KIF15: variants seen among roughly 807,000 people sequenced by gnomAD.
KIF15 encodes kinesin-like protein KIF15.
In KIF15, 140 loss-of-function variants were observed where a neutral mutation model predicts 190.6. The ratio of observed to expected loss-of-function variants is 0.73; its 90% CI spans 0.64 to 0.84. KIF15 has a LOEUF of 0.84. Ranked by LOEUF, KIF15 falls within the 40% of genes least tolerant of loss-of-function variation. The probability of loss-of-function intolerance (pLI) is 0.00; values close to 1 mark genes in which losing one functional copy is unlikely to be tolerated. For missense variants in KIF15, 1,372 were observed against 1,584.4 expected (o/e 0.87, Z 2.28); for synonymous variants, 528 against 551.3 (o/e 0.96, Z 0.59).
chr3:44,832,526 T>C (rs1369982128), intron 26 of KIF15, among the ~76,000 whole-genome samples: 2 of 152,146 alleles, frequency 1.3e-5, no homozygotes, highest in Non-Finnish European at 2.9e-5. Context: ...CCTGGAGGAC[T>C]GAATGGTTCT....
intron 6 of KIF15, chr3:44,863,300 A>ACCGC (rs1699280451): frequency 2.9e-5 from 1 of 35,060 alleles, no homozygotes; most frequent in East Asian, 2.9e-3. Flanking sequence ...TAGATTCCGC[A>ACCGC]CCCCCCCCCC....
chr3:44,778,159 C>G lies in KIF15; in HGVS notation c.291C>G (p.Cys97Trp). ...TGGCTAAAAGCATTGTGGAGTCTTG[C>G]ATGAGCGGTTATAATGGTACCATCT... ...ATVAKSIVES[C>W]MSGYNGTIFA... Residue 97 changes from cysteine (C) to tryptophan (W), a missense_variant, in exon 4 of 35, where the codon TGC becomes TGG. Physicochemically the swap from Cys to Trp is radical, Grantham distance 215. Coordinates refer to ENST00000326047, the MANE Select transcript of KIF15 (RefSeq NM_020242.3). 6.2e-7 allele frequency: 1 copy of G among 1,613,886 alleles called. No individual in the cohort carries two copies. The highest frequency in any genetic ancestry group is 8.5e-7 in the Non-Finnish European group (1 of 1,179,752).
At chr3:44,858,474 G>A (rs369430640) in intron 6 of KIF15, among the ~76,000 whole-genome samples, 8 of 152,100 alleles carry the variant, frequency 5.3e-5, no homozygotes, top group African/African-American at 9.7e-5. Flanking sequence ...AGTAATGCGC[G>A]TGTGATGGGT....
At position 44,802,978 on chromosome 3, in the gene KIF15, G is replaced by A; in HGVS notation, c.1674G>A (p.Glu558=). 6.3e-7 allele frequency: 1 copy of A among 1,593,898 alleles called. No homozygotes were observed. The highest frequency in any genetic ancestry group is 8.5e-7 in the Non-Finnish European group (1 of 1,174,692). Reference sequence around the variant, plus strand: ...CTTTCTCTGAAATAAGTGGCATGGAGAAAAGTGACAAAAGTAAGAAATGAT... The same window carrying A: ...CTTTCTCTGAAATAAGTGGCATGGAAAAAAGTGACAAAAGTAAGAAATGAT... ...EKAFSEISGM[E]KSDKNQQGFS... The change falls in exon 14 of 35, where the codon GAG becomes GAA. Residue 558 remains glutamate (E), a synonymous_variant. Coordinates refer to ENST00000326047, the MANE Select transcript of KIF15 (RefSeq NM_020242.3).
chr3:44,763,059 C>T (rs1705218886), intron 1 of KIF15, among the ~76,000 whole-genome samples: 1 of 152,128 alleles, frequency 6.6e-6, no homozygotes, highest in Non-Finnish European at 1.5e-5. Context: ...GTCTGAAAAC[C>T]AAATTTGAGA....
intron 30 of KIF15, among the ~76,000 whole-genome samples, chr3:44,843,805 C>T (rs1360261289): frequency 6.6e-6 from 1 of 152,152 alleles, no homozygotes; most frequent in African/African-American, 2.4e-5. Context: ...AAAAGTCATA[C>T]GATTTTCAAC....
Position 44,805,083 on chromosome 3 carries a change from G to T in KIF15, c.1744G>T (p.Glu582Ter). The T allele has an allele frequency of 6.2e-7, 1 of 1,613,814 alleles. No homozygotes were observed. Among genetic ancestry groups the T allele is most frequent in the South Asian group, 1.1e-5 (1 of 91,052 alleles). Residue 582 changes from glutamate (E) to a stop codon, truncating the protein, a stop_gained, in exon 15 of 35, where the codon GAG becomes TAG. Coordinates refer to ENST00000326047, the MANE Select transcript of KIF15 (RefSeq NM_020242.3). LOFTEE classifies it high-confidence loss of function. ...AGAGCCATGTTTGTTTGCAAACACT[G>T]AGAAGTTAAAAGCACAACTCCTGCA... Reference protein sequence around the residue: ...QKEPCLFANTEKLKAQLLQIQ... With the variant: ...QKEPCLFANT
chr3:44,852,878 C>G lies in KIF15; in HGVS notation c.*143C>G, dbSNP rs1699112204. 1 of 586,466 alleles carries G rather than the reference C, an allele frequency of 1.7e-6. No individual in the cohort carries two copies. Among genetic ancestry groups the G allele is most frequent in the Non-Finnish European group, 2.9e-6 (1 of 349,838 alleles). The allele number at this position is 586,466 out of a possible 1,614,324, so 36.3% of individuals were successfully genotyped here. On this transcript the variant is annotated 3_prime_UTR_variant, in exon 35 of 35. Transcript: ENST00000326047. ...GTTTATAAGGTGGTGGTAACCACCT[C>G]AAGTTTCTGATGAACATTCTGCATC...
intron 2 of KIF15, among the ~76,000 whole-genome samples, chr3:44,774,934 T>C (rs1349586885): frequency 6.6e-6 from 1 of 152,116 alleles, no homozygotes; most frequent in African/African-American, 2.4e-5. Context: ...ACCCTGTCTC[T>C]ACTAAAAGTA....
chr3:44,820,939 G>C (rs1177133598), intron 20 of KIF15, among the ~76,000 whole-genome samples: 4 of 151,138 alleles, frequency 2.6e-5, no homozygotes, highest in Non-Finnish European at 4.4e-5. Flanking sequence ...GGGCAGAGGC[G>C]CCCCTCACCT....
At chr3:44,845,449 C>T (rs1193060414) in intron 30 of KIF15, among the ~76,000 whole-genome samples, 3 of 151,910 alleles carry the variant, frequency 2.0e-5, no homozygotes, top group Non-Finnish European at 4.4e-5. Context: ...GTAATTACAA[C>T]AACCAATCTT....
intron 15 of KIF15, 91 bp from the exon 16 acceptor site, chr3:44,805,754 A>G: frequency 4.3e-6 from 5 of 1,161,378 alleles, no homozygotes. Context: ...AGATAACTAT[A>G]AAGTTATGTG....
At chr3:44,800,619 C>T (rs1020012200) in intron 11 of KIF15, among the ~76,000 whole-genome samples, 182 bp downstream of exon 11, 1 of 152,150 alleles carries the variant, frequency 6.6e-6, no homozygotes, top group Non-Finnish European at 1.5e-5. Context: ...ATACCATAGG[C>T]AGTGAGAAGG....
In KIF15 at chr3:44,778,112, TAGG is replaced by T. The variant is rs1296637776; in HGVS notation, c.247-1_248del. On this transcript the variant is annotated splice_acceptor_variant and coding_sequence_variant, in exon 4 of 35. Transcript: ENST00000326047. LOFTEE classifies it high-confidence loss of function. ...ATGTTAACATGTTTGGTTACATTTGTAGGAATCTGTATTCGCAACTGTGGCTAA... is the reference window on the plus strand; with the variant it reads ...ATGTTAACATGTTTGGTTACATTTGTAATCTGTATTCGCAACTGTGGCTAA... The T allele has an allele frequency of 8.7e-6, 14 of 1,611,164 alleles. No individual in the cohort carries two copies. Among genetic ancestry groups the T allele is most frequent in the Non-Finnish European group, 1.2e-5 (14 of 1,177,340 alleles).
intron 34 of KIF15, among the ~76,000 whole-genome samples, 158 bp from the exon 35 acceptor site, chr3:44,852,515 C>T (rs868578190): frequency 6.6e-6 from 1 of 151,264 alleles, no homozygotes; most frequent in South Asian, 2.1e-4. Flanking sequence ...CAATCAGTGG[C>T]ATTTCATAGA....
At chr3:44,816,505 C>T (rs1708039283) in intron 20 of KIF15, among the ~76,000 whole-genome samples, 1 of 151,754 alleles carries the variant, frequency 6.6e-6, no homozygotes, top group South Asian at 2.1e-4. Context: ...GTGTTCTGTC[C>T]TTGTGATAGT....
At position 44,840,395 on chromosome 3, in the gene KIF15, A is replaced by G. The variant is rs149445851; in HGVS notation, c.3359A>G (p.Glu1120Gly). The G allele has an allele frequency of 3.4e-4, 545 of 1,611,324 alleles. 1 individual carries two copies. The highest frequency in any genetic ancestry group is 5.2e-4 in the Admixed American group (31 of 59,422). Residue 1120 changes from glutamate to glycine, a missense_variant, in exon 28 of 35, where the codon GAA (glutamate) becomes GGA (glycine). Transcript: ENST00000326047. ...KKEEVEQKKN[E>G]YNFKMRQLEH... ...GAGGAAGTAGAACAGAAGAAGAATG[A>G]ATATAACTTCAAAATGAGGCAACTA...
intron 14 of KIF15, among the ~76,000 whole-genome samples, chr3:44,803,978 C>G (rs923835562): frequency 6.6e-6 from 1 of 151,958 alleles, no homozygotes; most frequent in Non-Finnish European, 1.5e-5. Context: ...CAGGCTCCCT[C>G]CTGGGATTAC....
At position 44,802,760 on chromosome 3, in the gene KIF15, T is replaced by G. The variant is rs922730366; in HGVS notation, c.1510-54T>G. 4.1e-6 allele frequency: 6 copies of G among 1,456,644 alleles called. No homozygotes were observed. In the African/African-American group the frequency reaches 7.1e-5, roughly 17 times the overall value. 90.2% of individuals were successfully genotyped at this position (1,456,644 alleles called of 1,614,324 possible). A position where few individuals can be genotyped will look rare whatever the true frequency, so the allele number is the denominator to read the frequency against. On this transcript the variant is annotated intron_variant, in intron 13 of 34. Transcript: ENST00000326047. ...CTAATGGCTTTTTAGAGGAACTAAT[T>G]CACTAAGGAAATGTTTGTAAATATA...
Sources: gnomAD v4.1 joint callset for allele counts (sites outside exome capture counted in the v4.1 genomes callset) on GRCh38, gnomAD v4.1.1 for gene constraint, MANE v1.5 for transcripts, NCBI Gene and HGNC (gene_info 2026-07-23, HGNC 2026-07-21) for gene names.